Variants in SORCS2 observed in about 807,000 individuals in gnomAD.
SORCS2 encodes the protein VPS10 domain-containing receptor SorCS2.
SORCS2 carries 100 observed loss-of-function variants against 141.6 expected under a neutral mutation model. The ratio of observed to expected loss-of-function variants is 0.71; its 90% CI spans 0.60 to 0.83. The LOEUF is 0.83. Ranked by LOEUF, SORCS2 falls within the 40% of genes least tolerant of loss-of-function variation. SORCS2 has a pLI of 0.00. For missense variants in SORCS2, 1,646 were observed against 1,560.2 expected (o/e 1.05, Z -0.93); for synonymous variants, 789 against 676.9 (o/e 1.17, Z -2.57).
intron 2 of SORCS2, among the ~76,000 whole-genome samples, chr4:7,468,161 G>C (rs554324530): frequency 6.6e-6 from 1 of 152,348 alleles, no homozygotes; most frequent in African/African-American, 2.4e-5. Context: ...AGCAGGCTCT[G>C]GTTCTCCTTG....
At chr4:7,729,832 C>A in intron 23 of SORCS2, 120 bp downstream of exon 23, 1 of 1,388,912 alleles carries the variant, frequency 7.2e-7, no homozygotes, top group Admixed American at 2.3e-5. Flanking sequence ...CTCGCTGCAT[C>A]TCAGTCTGAC....
chr4:7,475,446 G>C (rs982274911), intron 2 of SORCS2, among the ~76,000 whole-genome samples: 2 of 152,146 alleles, frequency 1.3e-5, no homozygotes, highest in South Asian at 4.1e-4. Context: ...CCGGCCCCCC[G>C]AGGGCCTGAG....
intron 2 of SORCS2, among the ~76,000 whole-genome samples, chr4:7,458,760 G>A (rs1194613725): frequency 6.6e-6 from 1 of 152,036 alleles, no homozygotes; most frequent in African/African-American, 2.4e-5. Flanking sequence ...TGGGGCTCAG[G>A]CCACCCCAAG....
chr4:7,386,106 CAT>C (rs543458118), intron 1 of SORCS2, among the ~76,000 whole-genome samples: 217 of 151,896 alleles, frequency 1.4e-3, no homozygotes, highest in African/African-American at 2.2e-3. Context: ...TGCACACACA[CAT>C]GGACATACAC....
intron 3 of SORCS2, among the ~76,000 whole-genome samples, chr4:7,601,309 C>G (rs1253444011): frequency 1.5e-5 from 2 of 135,180 alleles, no homozygotes; most frequent in African/African-American, 2.8e-5. Context: ...CAAATTAAAC[C>G]TCATTTTTTT....
chr4:7,691,562 C>T (rs1202981210), intron 11 of SORCS2, among the ~76,000 whole-genome samples: 1 of 152,086 alleles, frequency 6.6e-6, no homozygotes, highest in African/African-American at 2.4e-5. Context: ...GCTCTATATG[C>T]CCGGGGTCCT....
Position 7,531,633 on chromosome 4 carries a change from G to C in SORCS2, c.648+4G>C, listed in dbSNP as rs1711659930. 6.2e-7 allele frequency: 1 copy of C among 1,611,928 alleles called. No homozygotes were observed. Among genetic ancestry groups the C allele is most frequent in the African/African-American group, 1.3e-5 (1 of 74,942 alleles). ...CTGCCCGACCAACAAGAGGAAGGTA[G>C]GTGCTGGCTGGGGGTGGCCGCCACT... On this transcript the variant is annotated splice_donor_region_variant and intron_variant, in intron 3 of 26. Coordinates refer to ENST00000507866, the MANE Select transcript of SORCS2 (RefSeq NM_020777.3).
intron 2 of SORCS2, among the ~76,000 whole-genome samples, chr4:7,519,172 G>A (rs546238682): frequency 4.6e-5 from 7 of 152,318 alleles, no homozygotes; most frequent in East Asian, 3.9e-4. Context: ...GGGGAGCACC[G>A]GCAGCTCTGC....
chr4:7,216,993 G>A (rs916644138), intron 1 of SORCS2, among the ~76,000 whole-genome samples: 34 of 152,148 alleles, frequency 2.2e-4, no homozygotes, highest in African/African-American at 7.7e-4. Context: ...ACTGTGTGGC[G>A]GTTCCCGTGG....
chr4:7,703,841 A>G (rs1485405440), intron 13 of SORCS2, among the ~76,000 whole-genome samples: 1 of 152,022 alleles, frequency 6.6e-6, no homozygotes, highest in African/African-American at 2.4e-5. Flanking sequence ...AAAAGAGATT[A>G]CTCAACTGCC....
chr4:7,728,257 C>A, intron 21 of SORCS2, 93 bp from the exon 22 acceptor site: 1 of 847,140 alleles, frequency 1.2e-6, no homozygotes, highest in Non-Finnish European at 1.9e-6. Context: ...CCGGGACCAT[C>A]CAGGGCATGT....
chr4:7,619,522 A>G (rs1348379895), intron 3 of SORCS2, among the ~76,000 whole-genome samples: 1 of 152,152 alleles, frequency 6.6e-6, no homozygotes, highest in Non-Finnish European at 1.5e-5. Flanking sequence ...GACAGTTTCC[A>G]GATGTGCAGG....
At position 7,729,649 on chromosome 4, in the gene SORCS2, C is replaced by T. The variant is rs376514425; in HGVS notation, c.3045C>T (p.Ala1015=). 76 of 1,603,426 alleles carry T rather than the reference C, an allele frequency of 4.7e-5. No individual in the cohort carries two copies. The highest frequency in any genetic ancestry group is 1.2e-4 in the African/African-American group (9 of 74,744). Reference sequence around the variant, plus strand: ...TGAAGCCGGGGCTGCCCACTTTGGCCGATCTGTACGTGCTCCTGCCCCCTC... The same window carrying T: ...TGAAGCCGGGGCTGCCCACTTTGGCTGATCTGTACGTGCTCCTGCCCCCTC... ...TVVKPGLPTL[A]DLYVLLPPPR... is the part of the protein sequence containing the mutation. Residue 1015 remains alanine, a synonymous_variant, in exon 23 of 27, where the codon GCC becomes GCT. Transcript: ENST00000507866.
At chr4:7,680,268 C>A (rs1017271107) in intron 9 of SORCS2, among the ~76,000 whole-genome samples, 1 of 152,236 alleles carries the variant, frequency 6.6e-6, no homozygotes, top group African/African-American at 2.4e-5. Flanking sequence ...CTCATACTCA[C>A]ACACAGAGAC....
rs148135722 is a variant in SORCS2, at chr4:7,636,160, G to C, written c.649-2168G>C. Among the ~76,000 whole-genome samples, 482 of 152,346 alleles carry C rather than the reference G, an allele frequency of 3.2e-3. 3 individuals carry two copies. Among genetic ancestry groups the C allele is most frequent in the Middle Eastern group, 6.8e-3 (2 of 294 alleles). ...GCCCAGCTTAAATGCCCCATTCTGC[G>C]TAGGCGCACCCTGCAGTGTGTGGCT... is the stretch of plus-strand genomic sequence containing the variant. On this transcript the variant is annotated intron_variant, in intron 3 of 26. Transcript: ENST00000507866.
chr4:7,676,824 T>TCTCTCTCTCTCTCCCC lies in SORCS2; in HGVS notation c.1341+600_1341+601insTCTCTCTCCCCCTCTC, dbSNP rs765132758. Among the ~76,000 whole-genome samples the TCTCTCTCTCTCTCCCC allele has an allele frequency of 3.5e-4, 17 of 49,102 alleles. 1 individual carries two copies. The highest frequency in any genetic ancestry group is 1.4e-3 in the African/African-American group (16 of 11,316). 32.2% of individuals were successfully genotyped at this position (49,102 alleles called of 152,430 possible). ...TTCTGTCTCTCTCTCTCTCTCTCTC[T>TCTCTCTCTCTCTCCCC]CTCTCCCTCTCTCCACCCCAGCCCT... On this transcript the variant is annotated intron_variant, in intron 9 of 26. Coordinates refer to ENST00000507866, the MANE Select transcript of SORCS2 (RefSeq NM_020777.3).
Position 7,192,738 on chromosome 4 carries a change from C to A in SORCS2, c.92C>A (p.Pro31Gln). ...SPGAPPPPRS[P>Q]RSRPLLLLLL... Reference sequence around the variant, plus strand: ...GGGGCTCCGCCGCCGCCGCGCTCGCCGCGCTCGCGGCCGCTCCTGCTGCTG... The same window carrying A: ...GGGGCTCCGCCGCCGCCGCGCTCGCAGCGCTCGCGGCCGCTCCTGCTGCTG... Residue 31 changes from proline to glutamine, a missense_variant, in exon 1 of 27, where the codon CCG becomes CAG. Transcript: ENST00000507866. This position sits in a 1 kb window ranked among gnomAD's most constrained non-coding sequence, Gnocchi z 4.0. The A allele has an allele frequency of 1.0e-6, 1 of 993,696 alleles. No homozygotes were observed. Among genetic ancestry groups the A allele is most frequent in the Non-Finnish European group, 1.2e-6 (1 of 837,104 alleles). 61.6% of individuals were successfully genotyped at this position (993,696 alleles called of 1,614,324 possible).
chr4:7,436,145 C>G (rs951576153), intron 2 of SORCS2, among the ~76,000 whole-genome samples: 1 of 152,184 alleles, frequency 6.6e-6, no homozygotes, highest in South Asian at 2.1e-4. Context: ...TGCTGGGGAC[C>G]AGTGGAGGGG....
At chr4:7,640,972 A>G (rs1434140765) in intron 4 of SORCS2, among the ~76,000 whole-genome samples, 1 of 152,128 alleles carries the variant, frequency 6.6e-6, no homozygotes, top group Admixed American at 6.5e-5. Context: ...AGGGCCAGAG[A>G]AGGGTGGATC....
Sources: gnomAD v4.1 joint callset for allele counts (sites outside exome capture counted in the v4.1 genomes callset) on GRCh38, gnomAD v4.1.1 for gene constraint, Gnocchi (gnomAD v3.1) non-coding constraint, MANE v1.5 for transcripts, NCBI Gene and HGNC (gene_info 2026-07-23, HGNC 2026-07-21) for gene names.